RANBP2: variants seen among roughly 807,000 people sequenced by gnomAD.
RANBP2 encodes E3 SUMO-protein ligase RanBP2.
A neutral mutation model predicts 303.6 loss-of-function variants in RANBP2; 57 were observed. That is an observed-to-expected ratio of 0.19 (90% CI 0.15 to 0.23). The LOEUF is 0.23. Among genes scored for constraint, RANBP2 ranks in the 10% least tolerant of loss-of-function variants. The pLI is 1.00. For synonymous variants in RANBP2, 1,167 were observed against 1,301.5 expected, an observed-to-expected ratio of 0.90 and a Z score of 2.23; for missense variants, 3,138 against 3,780.8, an observed-to-expected ratio of 0.83 and a Z score of 4.46.
At chr2:109,477,161 G>A in the RANBP2 span, among the ~76,000 whole-genome samples, 1 of 152,164 alleles carries the variant, frequency 6.6e-6, no homozygotes, top group Non-Finnish European at 1.5e-5. Context: ...CAATTGGCCT[G>A]AATGACCGTT....
chr2:109,176,020 G>T, the RANBP2 span, among the ~76,000 whole-genome samples: 1 of 152,194 alleles, frequency 6.6e-6, no homozygotes, highest in Non-Finnish European at 1.5e-5. Context: ...TATTCTGCAT[G>T]TTATATCCTT....
At chr2:108,827,313 T>G in the RANBP2 span, among the ~76,000 whole-genome samples, 1 of 151,952 alleles carries the variant, frequency 6.6e-6, no homozygotes, top group African/African-American at 2.4e-5. Context: ...AATATCTAAT[T>G]TAAAGAAAAG....
chr2:109,574,809 T>C, the RANBP2 span: 1 of 1,390,920 alleles, frequency 7.2e-7, no homozygotes, highest in Non-Finnish European at 9.6e-7. Flanking sequence ...TTATTTGTGC[T>C]ACCTTAAGAT....
At chr2:109,204,679 A>G in the RANBP2 span, among the ~76,000 whole-genome samples, 2 of 152,252 alleles carry the variant, frequency 1.3e-5, no homozygotes, top group Non-Finnish European at 2.9e-5. Context: ...AGGATGCCCC[A>G]TTGGAGAACT....
At chr2:109,290,945 C>T in the RANBP2 span, among the ~76,000 whole-genome samples, 9 of 152,226 alleles carry the variant, frequency 5.9e-5, no homozygotes, top group African/African-American at 2.2e-4. Context: ...TTACTGTTTT[C>T]CTGGGGTGCC....
the RANBP2 span, among the ~76,000 whole-genome samples, chr2:109,480,168 T>C: frequency 6.6e-6 from 1 of 152,190 alleles, no homozygotes; most frequent in Non-Finnish European, 1.5e-5. Flanking sequence ...GACATCTGCT[T>C]TCAGAAAAGA....
chr2:109,108,993 A>G, the RANBP2 span, among the ~76,000 whole-genome samples: 2 of 152,348 alleles, frequency 1.3e-5, no homozygotes, highest in South Asian at 4.1e-4. Flanking sequence ...AGTGCTGCCT[A>G]ATTCTCACTG....
the RANBP2 span, among the ~76,000 whole-genome samples, chr2:109,013,673 G>A: frequency 1.3e-5 from 2 of 151,084 alleles, 1 homozygote; most frequent in South Asian, 4.2e-4. Flanking sequence ...TCTGCCTCCT[G>A]GGCTCAAGCA....
At chr2:109,402,057 G>C in the RANBP2 span, among the ~76,000 whole-genome samples, 1 of 152,168 alleles carries the variant, frequency 6.6e-6, no homozygotes, top group Non-Finnish European at 1.5e-5. Context: ...TGATTTAATC[G>C]AGCTGCCGGG....
At chr2:109,344,149 G>A in the RANBP2 span, among the ~76,000 whole-genome samples, 7 of 152,166 alleles carry the variant, frequency 4.6e-5, no homozygotes, top group East Asian at 1.9e-4. Flanking sequence ...GACCTGCTAC[G>A]CAGGGAGAAC....
At chr2:109,187,597 G>A in the RANBP2 span, among the ~76,000 whole-genome samples, 2 of 152,178 alleles carry the variant, frequency 1.3e-5, no homozygotes, top group Non-Finnish European at 2.9e-5. Context: ...TATAGGCTAG[G>A]AGCATAGGCT....
chr2:108,939,002 A>G, the RANBP2 span, among the ~76,000 whole-genome samples: 23 of 151,870 alleles, frequency 1.5e-4, no homozygotes, highest in Middle Eastern at 3.4e-3. Flanking sequence ...CTGGTCTCGA[A>G]CTCCTGACCT....
the RANBP2 span, among the ~76,000 whole-genome samples, chr2:108,840,860 G>A: frequency 1.3e-5 from 2 of 150,698 alleles, no homozygotes; most frequent in South Asian, 2.1e-4. Context: ...TACCTAGGCT[G>A]GAATTCACTG....
chr2:109,609,897 T>G, the RANBP2 span, among the ~76,000 whole-genome samples: 1 of 152,160 alleles, frequency 6.6e-6, no homozygotes, highest in South Asian at 2.1e-4. Context: ...GTCAGTGGAC[T>G]GTACTCAACA....
the RANBP2 span, among the ~76,000 whole-genome samples, chr2:109,274,703 TAG>T: frequency 6.6e-6 from 1 of 152,210 alleles, no homozygotes; most frequent in East Asian, 1.9e-4. Context: ...TTCTGATAGA[TAG>T]AGGTCGTGGC....
the RANBP2 span, among the ~76,000 whole-genome samples, chr2:109,594,283 T>G: frequency 6.6e-6 from 1 of 151,188 alleles, no homozygotes; most frequent in Non-Finnish European, 1.5e-5. Context: ...AAAAAAAAAT[T>G]GCAAATGGTG....
At chr2:109,029,737 C>A in the RANBP2 span, among the ~76,000 whole-genome samples, 2 of 152,134 alleles carry the variant, frequency 1.3e-5, no homozygotes, top group Non-Finnish European at 2.9e-5. Flanking sequence ...CAGGACAGGG[C>A]CCCCCGGCAG....
At chr2:109,323,546 G>A in the RANBP2 span, among the ~76,000 whole-genome samples, 1 of 152,220 alleles carries the variant, frequency 6.6e-6, no homozygotes, top group African/African-American at 2.4e-5. Flanking sequence ...AGTGGTAGAT[G>A]GGGCATAAGT....
At chr2:109,571,752 C>A in the RANBP2 span, among the ~76,000 whole-genome samples, 1 of 152,154 alleles carries the variant, frequency 6.6e-6, no homozygotes, top group African/African-American at 2.4e-5. Context: ...GACTAGGAAG[C>A]ATCTAGAACT....
Sources: allele counts gnomAD v4.1 joint callset (sites outside exome capture counted in the v4.1 genomes callset), GRCh38; gene constraint gnomAD v4.1.1; transcripts MANE v1.5; gene names NCBI Gene and HGNC (gene_info 2026-07-23, HGNC 2026-07-21).